The following ZZZ3 variants were observed in gnomAD, a reference collection of about 807,000 sequenced individuals.
ZZZ3 encodes zinc finger ZZ-type containing 3.
In ZZZ3, 22 loss-of-function variants were observed where a neutral mutation model predicts 95.2. The observed-to-expected ratio is 0.23, with a 90% CI of 0.17 to 0.33. The LOEUF (loss-of-function observed/expected upper bound fraction) is 0.33. Among genes scored for constraint, ZZZ3 ranks in the 10% least tolerant of loss-of-function variants. ZZZ3 has a pLI of 1.00. For missense variants in ZZZ3, 885 were observed against 1,066.5 expected (o/e 0.83, Z 2.37); for synonymous variants, 335 against 358.9 (o/e 0.93, Z 0.75).
intron 6 of ZZZ3, among the ~76,000 whole-genome samples, chr1:77,582,494 C>T (rs2100561194): frequency 6.6e-6 from 1 of 151,958 alleles, no homozygotes; most frequent in South Asian, 2.1e-4. Context: ...TTTATATGTC[C>T]ACTAAAACAA....
rs1205045437 is a variant in ZZZ3 at position 77,584,606 on chromosome 1, G to T, written c.1555C>A (p.Gln519Lys). 6.2e-7 allele frequency: 1 copy of T among 1,612,220 alleles called. No individual in the cohort carries two copies. Among genetic ancestry groups the T allele is most frequent in the Non-Finnish European group, 8.5e-7 (1 of 1,179,346 alleles). ...TIAVLEAQRS[Q>K]AVQDLESLGR... Reference sequence around the variant, plus strand: ...AAACTTTCAAGGTCTTGGACTGCTTGAGAACGCTGAGCCTCGAGTACAGCA... The same window carrying T: ...AAACTTTCAAGGTCTTGGACTGCTTTAGAACGCTGAGCCTCGAGTACAGCA... Residue 519 changes from glutamine to lysine, a missense_variant, in exon 6 of 15, where the codon CAA (glutamine) becomes AAA (lysine). Gln to Lys is a moderately conservative substitution (Grantham distance 53). Transcript: ENST00000370801.
intron 5 of ZZZ3, among the ~76,000 whole-genome samples, chr1:77,595,380 A>G (rs1442303679): frequency 1.3e-5 from 2 of 152,076 alleles, no homozygotes; most frequent in Admixed American, 1.3e-4. Flanking sequence ...TGCATCATAT[A>G]AGAAGTAAAA....
intron 5 of ZZZ3, among the ~76,000 whole-genome samples, chr1:77,611,885 A>AT (rs1367191061): frequency 3.9e-5 from 6 of 152,036 alleles, no homozygotes; most frequent in African/African-American, 1.4e-4. Flanking sequence ...AGAAGAGAAC[A>AT]TAGGAGGAAA....
chr1:77,682,856 T>G (rs79071287), upstream of ZZZ3, among the ~76,000 whole-genome samples: 2,039 of 152,286 alleles, frequency 0.013, 41 homozygotes, highest in African/African-American at 0.047. Context: ...TCCTTTCCCC[T>G]TGTACAGAAA....
intron 4 of ZZZ3, among the ~76,000 whole-genome samples, chr1:77,635,003 C>T (rs992299143): frequency 5.9e-5 from 9 of 152,138 alleles, no homozygotes; most frequent in African/African-American, 1.9e-4. Context: ...TCAACAGTCT[C>T]CCTTCTCATG....
intron 5 of ZZZ3, among the ~76,000 whole-genome samples, chr1:77,604,713 TCA>T (rs1375085301): frequency 2.0e-5 from 3 of 152,234 alleles, no homozygotes; most frequent in Non-Finnish European, 2.9e-5. Flanking sequence ...TTTGATAGTA[TCA>T]GTTTACACTT....
chr1:77,583,657 T>G (rs927189676), intron 6 of ZZZ3, among the ~76,000 whole-genome samples: 7 of 152,202 alleles, frequency 4.6e-5, no homozygotes, highest in Non-Finnish European at 1.0e-4. Flanking sequence ...GGTAGACCAC[T>G]TTTGTAACTC....
chr1:77,592,526 T>G (rs1570449746), intron 5 of ZZZ3, among the ~76,000 whole-genome samples: 1 of 151,982 alleles, frequency 6.6e-6, no homozygotes, highest in Non-Finnish European at 1.5e-5. Flanking sequence ...GGTTTCGAAA[T>G]CCTGACCTCA....
At chr1:77,617,272 C>T (rs1238555222) in intron 5 of ZZZ3, among the ~76,000 whole-genome samples, 1 of 152,212 alleles carries the variant, frequency 6.6e-6, no homozygotes, top group Non-Finnish European at 1.5e-5. Context: ...AAATCCTATA[C>T]ACATTATGCA....
At chr1:77,664,289 G>C (rs1053045115) in intron 1 of ZZZ3, among the ~76,000 whole-genome samples, 3 of 152,030 alleles carry the variant, frequency 2.0e-5, no homozygotes, top group Non-Finnish European at 4.4e-5. Context: ...AATGGGGAGG[G>C]AAAGAAAGGA....
chr1:77,605,769 C>T (rs557775130), intron 5 of ZZZ3, among the ~76,000 whole-genome samples: 1 of 152,108 alleles, frequency 6.6e-6, no homozygotes, highest in African/African-American at 2.4e-5. Context: ...AGGGAAGGAA[C>T]CAGTCCTGGC....
At chr1:77,611,781 A>G (rs1216236052) in intron 5 of ZZZ3, among the ~76,000 whole-genome samples, 2 of 152,072 alleles carry the variant, frequency 1.3e-5, no homozygotes, top group Non-Finnish European at 1.5e-5. Context: ...ATCCACAAGC[A>G]TAAGGACAAA....
chr1:77,671,558 G>T (rs1364253544), intron 1 of ZZZ3, among the ~76,000 whole-genome samples: 1 of 152,126 alleles, frequency 6.6e-6, no homozygotes, highest in Non-Finnish European at 1.5e-5. Flanking sequence ...TTTAGCACCT[G>T]TGTGACACCG....
At chr1:77,617,089 G>A (rs1570518013) in intron 5 of ZZZ3, among the ~76,000 whole-genome samples, 1 of 151,804 alleles carries the variant, frequency 6.6e-6, no homozygotes, top group East Asian at 1.9e-4. Flanking sequence ...TGCATACCCT[G>A]GTATGCACTA....
At chr1:77,592,455 C>T (rs1422395160) in intron 5 of ZZZ3, among the ~76,000 whole-genome samples, 1 of 152,152 alleles carries the variant, frequency 6.6e-6, no homozygotes, top group Non-Finnish European at 1.5e-5. Flanking sequence ...GTGCACACCA[C>T]CACGCCTGGC....
At chr1:77,667,370 C>T (rs753929190) in intron 1 of ZZZ3, among the ~76,000 whole-genome samples, 1 of 152,114 alleles carries the variant, frequency 6.6e-6, no homozygotes. Context: ...TGTCTTTAGA[C>T]AGCTTTTTTT....
Position 77,633,244 on chromosome 1 carries a change from T to G in ZZZ3, c.111A>C (p.Glu37Asp). The stretch of plus-strand genomic sequence containing the variant: ...GTACTTGAGAATTAGAAGAGATTTC[T>G]TCAGGATGCGCAATGCTACGATTCC... ...TLRNRSIAHP[E>D]EISSNSQVRS... Residue 37 changes from glutamate (E) to aspartate (D), a missense_variant, in exon 5 of 15, where the codon GAA becomes GAC. By Grantham distance (45) the Glu-to-Asp change is conservative. Transcript: ENST00000370801. 6.2e-7 allele frequency: 1 copy of G among 1,614,140 alleles called. No individual in the cohort carries two copies. The highest frequency in any genetic ancestry group is 8.5e-7 in the Non-Finnish European group (1 of 1,179,996).
At chr1:77,680,264 T>C (rs1293819259) in intron 1 of ZZZ3, among the ~76,000 whole-genome samples, 5 of 152,204 alleles carry the variant, frequency 3.3e-5, no homozygotes, top group Admixed American at 6.5e-5. Flanking sequence ...TAAAAAAGAA[T>C]AGGAGGAGAA....
rs1278794289 is a variant in ZZZ3, at chr1:77,564,792, C to T, written c.*848G>A. The T allele has an allele frequency of 1.3e-5, 2 of 152,482 alleles. No homozygotes were observed. The highest frequency in any genetic ancestry group is 2.9e-5 in the Non-Finnish European group (2 of 68,002). 9.4% of individuals were successfully genotyped at this position (152,482 alleles called of 1,614,324 possible). A position where few individuals can be genotyped will look rare whatever the true frequency, so the allele number is the denominator to read the frequency against. On this transcript the variant is annotated 3_prime_UTR_variant, in exon 15 of 15. Coordinates refer to ENST00000370801, the MANE Select transcript of ZZZ3 (RefSeq NM_015534.6). ...CCATATATATGATTTTTATATTAGG[C>T]AGTTTTCTTTGATGAGTTGTACTGA...
Sources: allele counts gnomAD v4.1 joint callset (sites outside exome capture counted in the v4.1 genomes callset), GRCh38; gene constraint gnomAD v4.1.1; transcripts MANE v1.5; gene names NCBI Gene and HGNC (gene_info 2026-07-23, HGNC 2026-07-21).